Variants in MMRN1 observed in about 807,000 individuals in gnomAD.
MMRN1 encodes the protein multimerin-1.
A neutral mutation model predicts 100.7 loss-of-function variants in MMRN1; 94 were observed. The ratio of observed to expected loss-of-function variants is 0.93; its 90% confidence interval spans 0.79 to 1.11. The LOEUF is 1.11. MMRN1 is among the 50% of genes least tolerant of loss of function. The probability of loss-of-function intolerance (pLI) is 0.00; values close to 1 mark genes in which losing one functional copy is unlikely to be tolerated. For missense variants in MMRN1, 1,606 were observed against 1,439.1 expected (o/e 1.12, Z -1.88); for synonymous variants, 575 against 505.0 (o/e 1.14, Z -1.86).
chr4:89,904,428 A>G (rs1038551709), intron 1 of MMRN1, among the ~76,000 whole-genome samples: 2 of 151,654 alleles, frequency 1.3e-5, no homozygotes, highest in Admixed American at 6.6e-5. Context: ...TACCCATTAA[A>G]TAATAACTTC....
intron 1 of MMRN1, among the ~76,000 whole-genome samples, chr4:89,908,061 T>A (rs1721626711): frequency 1.3e-5 from 2 of 151,366 alleles, no homozygotes; most frequent in Admixed American, 1.3e-4. Context: ...ATTTTATTAA[T>A]CTTTAACACA....
chr4:89,888,422 C>T (rs1333398461), intron 1 of MMRN1, among the ~76,000 whole-genome samples: 1 of 150,576 alleles, frequency 6.6e-6, no homozygotes, highest in African/African-American at 2.4e-5. Context: ...TAATTGTGTT[C>T]CCCTTTATGT....
rs760862317 is a variant in MMRN1, at chr4:89,936,071, CT to C, written c.2394del (p.Phe798LeufsTer18). On this transcript the variant is annotated frameshift_variant, in exon 6 of 8. Transcript: ENST00000264790. LOFTEE classifies it high-confidence loss of function. ...TLVNDNQRYN[F>X]VLQVAKTLAG... ...TGGTCAATGACAATCAGAGATATAA[CT>C]TTGTTTTGCAAGTCGCCAAGACCCT... 6.2e-7 allele frequency: 1 copy of C among 1,611,666 alleles called. No homozygotes were observed. The highest frequency in any genetic ancestry group is 8.5e-7 in the Non-Finnish European group (1 of 1,179,210).
rs951341291 is a variant in MMRN1, at chr4:89,953,532, TG to T, written c.*115del. 8.2e-5 allele frequency: 74 copies of T among 902,980 alleles called. No individual in the cohort carries two copies. Among genetic ancestry groups the T allele is most frequent in the Non-Finnish European group, 1.2e-4 (73 of 628,730 alleles). 55.9% of individuals were successfully genotyped at this position (902,980 alleles called of 1,614,324 possible). A position where few individuals can be genotyped will look rare whatever the true frequency, so the allele number is the denominator to read the frequency against. ...TTTCTACAGGAAATGAAAATCAACT[TG>T]TTTTTTTAATATGAGTAAACTTGTA... On this transcript the variant is annotated 3_prime_UTR_variant, in exon 8 of 8. Transcript: ENST00000264790.
chr4:89,879,779 A>G (rs1005448672), intron 1 of MMRN1, among the ~76,000 whole-genome samples: 4 of 152,212 alleles, frequency 2.6e-5, no homozygotes, highest in Non-Finnish European at 4.4e-5. Context: ...ATGGGCACTT[A>G]GAATGCAGTA....
At chr4:89,910,932 G>A (rs185082400) in intron 2 of MMRN1, among the ~76,000 whole-genome samples, 3 of 151,408 alleles carry the variant, frequency 2.0e-5, no homozygotes, top group Non-Finnish European at 4.4e-5. Context: ...CCATATAGTT[G>A]TACGTGGCAA....
Position 89,889,583 on chromosome 4 carries a change from G to A in MMRN1, c.-248-5141G>A, listed in dbSNP as rs372798888. ...TCATACTCTTGATATTACAAAGTCC[G>A]CCTTCTAGCATTGTTGATTGTTCAC... is the stretch of plus-strand genomic sequence containing the variant. On this transcript the variant is annotated intron_variant, in intron 1 of 8. Transcript: ENST00000394980. 1.4e-3 allele frequency among the ~76,000 whole-genome samples: 220 copies of A among 152,198 alleles called. 1 individual carries two copies. Among genetic ancestry groups the A allele is most frequent in the African/African-American group, 5.1e-3 (211 of 41,534 alleles).
chr4:89,895,546 G>A lies in MMRN1; in HGVS notation c.575G>A (p.Ser192Asn). 5 of 1,613,700 alleles carry A rather than the reference G, an allele frequency of 3.1e-6. No homozygotes were observed. Among genetic ancestry groups the A allele is most frequent in the African/African-American group, 1.3e-5 (1 of 75,034 alleles). ...TYLSRGDSSSSQRTDYQKSNF... is the reference protein window; with the variant it reads ...TYLSRGDSSSNQRTDYQKSNF... ...CTCAGCCGGGGTGACAGCAGTTCCA[G>A]CCAAAGAACTGACTACCAAAAATCA... Residue 192 changes from serine to asparagine, a missense_variant, in exon 1 of 8, where the codon AGC becomes AAC. Coordinates refer to ENST00000264790, the MANE Select transcript of MMRN1 (RefSeq NM_007351.3).
Position 89,911,893 on chromosome 4 carries a change from A to C in MMRN1, c.744-51A>C, listed in dbSNP as rs74875599. The C allele has an allele frequency of 3.0e-4, 382 of 1,259,918 alleles. 3 individuals carry two copies. The African/African-American group carries it at 5.1e-3, about 17-fold the overall frequency. 78.0% of individuals were successfully genotyped at this position (1,259,918 alleles called of 1,614,324 possible). ...TTTACATTTATTATTCCGGCTGATA[A>C]TTTAATGTGAAACAAATAATCGATT... On this transcript the variant is annotated intron_variant, in intron 2 of 7. Coordinates refer to ENST00000264790, the MANE Select transcript of MMRN1 (RefSeq NM_007351.3).
intron 2 of MMRN1, 48 bp downstream of exon 2, chr4:89,909,443 A>T (rs777346644): frequency 8.2e-6 from 13 of 1,593,480 alleles, no homozygotes; most frequent in Non-Finnish European, 1.1e-5. Flanking sequence ...ACCATAATAA[A>T]TTATAGCCGG....
At position 89,910,171 on chromosome 4, in the gene MMRN1, C is replaced by T. The variant is rs73831852; in HGVS notation, c.743+776C>T. ...ACATAAAATCAAGGTGTTTCTTAGT[C>T]CCTTGAGGAATAGCTAAGGTTCATG... On this transcript the variant is annotated intron_variant, in intron 2 of 7. Coordinates refer to ENST00000264790, the MANE Select transcript of MMRN1 (RefSeq NM_007351.3). Among the ~76,000 whole-genome samples the T allele has an allele frequency of 4.9e-3, 744 of 151,442 alleles. 5 individuals carry two copies. The highest frequency in any genetic ancestry group is 0.017 in the African/African-American group (714 of 41,432).
At chr4:89,884,804 C>T (rs574498080) in intron 1 of MMRN1, among the ~76,000 whole-genome samples, 2 of 152,218 alleles carry the variant, frequency 1.3e-5, no homozygotes, top group East Asian at 3.9e-4. Flanking sequence ...TGTACACAGA[C>T]AAGTCATTTA....
chr4:89,900,406 G>T (rs1288478297), intron 1 of MMRN1, among the ~76,000 whole-genome samples: 4 of 151,984 alleles, frequency 2.6e-5, no homozygotes, highest in Non-Finnish European at 5.9e-5. Context: ...CTTTTATAAT[G>T]AAGGACTCCT....
chr4:89,903,897 G>GAAA lies in MMRN1; in HGVS notation c.624-5365_624-5363dup, dbSNP rs71596503. ...CTCACCCTTGCCTAATTCAGGATTA[G>GAAA]AAAAAAAAAAAAAAAACTCTAGGCA... On this transcript the variant is annotated intron_variant, in intron 1 of 7. Transcript: ENST00000264790. 2.0e-3 allele frequency among the ~76,000 whole-genome samples: 252 copies of GAAA among 127,168 alleles called. 8 individuals are homozygous for GAAA. Among genetic ancestry groups the GAAA allele is most frequent in the Non-Finnish European group, 2.6e-3 (161 of 62,264 alleles). 83.4% of individuals were successfully genotyped at this position (127,168 alleles called of 152,430 possible). A position where few individuals can be genotyped will look rare whatever the true frequency, so the allele number is the denominator to read the frequency against.
At chr4:89,908,884 A>G (rs1301169490) in intron 1 of MMRN1, among the ~76,000 whole-genome samples, 1 of 151,340 alleles carries the variant, frequency 6.6e-6, no homozygotes, top group Non-Finnish European at 1.5e-5. Flanking sequence ...CCATTTATTT[A>G]CTTATTTACT....
intron 1 of MMRN1, among the ~76,000 whole-genome samples, chr4:89,884,992 T>C (rs1410806207): frequency 6.6e-6 from 1 of 152,148 alleles, no homozygotes; most frequent in African/African-American, 2.4e-5. Flanking sequence ...TTAATAAAGA[T>C]GTTAGCTATA....
At chr4:89,880,085 ACT>A (rs1188672489) in intron 1 of MMRN1, among the ~76,000 whole-genome samples, 1 of 152,162 alleles carries the variant, frequency 6.6e-6, no homozygotes, top group East Asian at 1.9e-4. Context: ...TTGAAGTCAA[ACT>A]CTGGTTTAGC....
At chr4:89,923,141 C>T in intron 3 of MMRN1, 27 bp from the exon 4 acceptor site, 1 of 1,588,096 alleles carries the variant, frequency 6.3e-7, no homozygotes, top group Non-Finnish European at 8.6e-7. Flanking sequence ...GCTTAACTGT[C>T]TCTCTTCTCT....
chr4:89,917,007 G>A (rs3775474), intron 3 of MMRN1, among the ~76,000 whole-genome samples: 21,549 of 151,416 alleles, frequency 0.14, 2,240 homozygotes, highest in East Asian at 0.3. Context: ...TGGGTAGCAC[G>A]GAGGGAACTA....
Sources: allele counts gnomAD v4.1 joint callset (sites outside exome capture counted in the v4.1 genomes callset), GRCh38; gene constraint gnomAD v4.1.1; transcripts MANE v1.5; gene names NCBI Gene and HGNC (gene_info 2026-07-23, HGNC 2026-07-21).